DAB1: variants seen among roughly 807,000 people sequenced by gnomAD.
DAB1 encodes the protein disabled homolog 1.
Under a neutral mutation model 64.6 loss-of-function variants are expected in DAB1, and 15 were observed. The observed-to-expected ratio is 0.23, with a 90% confidence interval of 0.16 to 0.36. The LOEUF (loss-of-function observed/expected upper bound fraction) is 0.36, where lower values mean the gene tolerates loss of function less well. DAB1 is among the 10% of genes least tolerant of loss of function. The pLI is 1.00. For synonymous variants in DAB1, 235 were observed against 251.9 expected (o/e 0.93, Z 0.64); for missense variants, 596 against 706.7 (o/e 0.84, Z 1.78).
At chr1:58,503,398 A>T (rs1029686199) in intron 3 of DAB1, among the ~76,000 whole-genome samples, 16 of 152,152 alleles carry the variant, frequency 1.1e-4, no homozygotes, top group Admixed American at 7.2e-4. Context: ...TAATTACTAC[A>T]TATTATATCA....
intron 5 of DAB1, among the ~76,000 whole-genome samples, chr1:58,027,147 G>A (rs1646906500): frequency 6.6e-6 from 1 of 152,238 alleles, no homozygotes; most frequent in Non-Finnish European, 1.5e-5. Context: ...AGACCATGAT[G>A]TCTATGACAA....
intron 2 of DAB1, among the ~76,000 whole-genome samples, chr1:57,168,641 TA>T (rs1661430154): frequency 6.6e-6 from 1 of 152,192 alleles, no homozygotes; most frequent in African/African-American, 2.4e-5. Flanking sequence ...CCTTAAGTAA[TA>T]AATGTAGTTC....
intron 4 of DAB1, among the ~76,000 whole-genome samples, chr1:58,217,345 T>G (rs1384470404): frequency 6.6e-6 from 1 of 151,942 alleles, no homozygotes; most frequent in Non-Finnish European, 1.5e-5. Context: ...ACCCCGAAAG[T>G]AGAGAAGGAT....
chr1:58,038,306 G>GA (rs1312093686), intron 5 of DAB1, among the ~76,000 whole-genome samples: 1 of 152,166 alleles, frequency 6.6e-6, no homozygotes, highest in Non-Finnish European at 1.5e-5. Flanking sequence ...TGGATGTGGG[G>GA]ATGGAAGAGT....
chr1:58,434,001 G>A (rs906781180), intron 3 of DAB1, among the ~76,000 whole-genome samples: 1 of 152,110 alleles, frequency 6.6e-6, no homozygotes, highest in South Asian at 2.1e-4. Context: ...CAGCAAGGAG[G>A]CCAATGAGGT....
At chr1:57,773,989 A>G (rs3118061) in intron 6 of DAB1, among the ~76,000 whole-genome samples, 18,489 of 151,832 alleles carry the variant, frequency 0.12, 1,208 homozygotes, top group Middle Eastern at 0.21. Context: ...GGTCTTTTGC[A>G]TTTTTCATCT....
intron 3 of DAB1, among the ~76,000 whole-genome samples, chr1:58,429,958 A>AG (rs1644853963): frequency 6.6e-6 from 1 of 152,212 alleles, no homozygotes; most frequent in African/African-American, 2.4e-5. Flanking sequence ...TAGGCCCCAC[A>AG]GGGCATCCCC....
At chr1:57,986,111 G>T (rs1368964535) in intron 5 of DAB1, among the ~76,000 whole-genome samples, 1 of 152,166 alleles carries the variant, frequency 6.6e-6, no homozygotes, top group Non-Finnish European at 1.5e-5. Context: ...AAGCTATCTT[G>T]TAATTGTTGC....
At chr1:58,182,382 C>CTCTT (rs1446483496) in intron 4 of DAB1, among the ~76,000 whole-genome samples, 1 of 151,304 alleles carries the variant, frequency 6.6e-6, no homozygotes, top group African/African-American at 2.4e-5. Context: ...ATTCTTTCCC[C>CTCTT]TCTTTCTTTC....
At chr1:57,375,006 C>G (rs4912240) in intron 1 of DAB1, among the ~76,000 whole-genome samples, 17,625 of 145,326 alleles carry the variant, frequency 0.12, 1,137 homozygotes, top group African/African-American at 0.16. Flanking sequence ...CTGCCCAGTT[C>G]CAGAATCACA....
intron 4 of DAB1, among the ~76,000 whole-genome samples, chr1:58,254,904 G>A (rs1394527169): frequency 1.3e-5 from 1 of 77,510 alleles, no homozygotes; most frequent in Non-Finnish European, 2.2e-5. Flanking sequence ...ATAGTCATTT[G>A]GGTATATACC....
intron 7 of DAB1, among the ~76,000 whole-genome samples, chr1:57,597,055 T>C (rs1645519478): frequency 1.3e-5 from 2 of 152,192 alleles, no homozygotes; most frequent in South Asian, 4.1e-4. Flanking sequence ...CCAGGCCCTT[T>C]GAAATTCACA....
chr1:57,023,610 G>A lies in DAB1; in HGVS notation c.816C>T (p.Ile272=). 1.2e-6 allele frequency: 2 copies of A among 1,612,490 alleles called. No homozygotes were observed. Among genetic ancestry groups the A allele is most frequent in the Non-Finnish European group, 1.7e-6 (2 of 1,179,406 alleles). Reference sequence around the variant, plus strand: ...CTGGAAGGGTCTGAGATGAAGATGGGATAAAGGCATCACCTGGAGTTGCAG... The same window carrying A: ...CTGGAAGGGTCTGAGATGAAGATGGAATAAAGGCATCACCTGGAGTTGCAG... ...PTPATPGDAF[I]PSSSQTLPAS... The change falls in exon 11 of 15, where the codon ATC becomes ATT. Residue 272 remains isoleucine (I), a synonymous_variant. Transcript: ENST00000371236.
chr1:57,801,298 T>C (rs1021840108), intron 6 of DAB1, among the ~76,000 whole-genome samples: 3 of 152,172 alleles, frequency 2.0e-5, no homozygotes, highest in Non-Finnish European at 4.4e-5. Context: ...GGTTTCTCAA[T>C]TGTAAGATGA....
At chr1:57,044,253 G>A (rs548531942) in intron 9 of DAB1, among the ~76,000 whole-genome samples, 8 of 152,146 alleles carry the variant, frequency 5.3e-5, no homozygotes, top group South Asian at 2.1e-4. Context: ...GCCTTTCCCC[G>A]TGGAAGGTGA....
intron 7 of DAB1, among the ~76,000 whole-genome samples, chr1:57,564,333 G>A (rs1162789311): frequency 6.6e-6 from 1 of 152,030 alleles, no homozygotes; most frequent in African/African-American, 2.4e-5. Context: ...ACAAAGATGG[G>A]GAAAAAACAG....
intron 2 of DAB1, among the ~76,000 whole-genome samples, chr1:57,228,277 G>A (rs951795996): frequency 6.6e-6 from 1 of 152,086 alleles, no homozygotes; most frequent in African/African-American, 2.4e-5. Context: ...ACACACGTTA[G>A]AATTTTGACC....
intron 2 of DAB1, among the ~76,000 whole-genome samples, chr1:57,155,473 T>C (rs1660123675): frequency 2.0e-5 from 3 of 151,914 alleles, no homozygotes; most frequent in Admixed American, 1.3e-4. Flanking sequence ...TCTTCCAGTT[T>C]TGTTTTTGTT....
At chr1:58,127,612 C>T (rs1017666537) in intron 5 of DAB1, among the ~76,000 whole-genome samples, 1 of 152,296 alleles carries the variant, frequency 6.6e-6, no homozygotes, top group South Asian at 2.1e-4. Context: ...TTAACTCTTT[C>T]ATCCATCTTG....
Sources: gnomAD v4.1 joint callset for allele counts (sites outside exome capture counted in the v4.1 genomes callset) on GRCh38, gnomAD v4.1.1 for gene constraint, MANE v1.5 for transcripts, NCBI Gene and HGNC (gene_info 2026-07-23, HGNC 2026-07-21) for gene names.